The following SLC24A3 variants were observed in gnomAD, a reference collection of about 807,000 sequenced individuals.
SLC24A3 encodes the protein sodium/potassium/calcium exchanger 3.
Under a neutral mutation model 75.8 loss-of-function variants are expected in SLC24A3, and 28 were observed. The ratio of observed to expected loss-of-function variants is 0.37; its 90% CI spans 0.27 to 0.51. SLC24A3 has a LOEUF of 0.51. Ranked by LOEUF, SLC24A3 falls within the 20% of genes least tolerant of loss-of-function variation. The probability of loss-of-function intolerance (pLI) is 0.94; values close to 1 mark genes in which losing one functional copy is unlikely to be tolerated. For synonymous variants in SLC24A3, 372 were observed against 334.1 expected (o/e 1.11, Z -1.24); for missense variants, 663 against 847.8 (o/e 0.78, Z 2.71).
intron 6 of SLC24A3, among the ~76,000 whole-genome samples, chr20:19,605,107 A>C (rs2031579012): frequency 1.3e-5 from 2 of 152,320 alleles, no homozygotes; most frequent in South Asian, 4.2e-4. Context: ...AGGAAAAAAA[A>C]CACGTTGGCC....
At chr20:19,705,169 G>GA (rs2032915501) in intron 15 of SLC24A3, among the ~76,000 whole-genome samples, 1 of 152,204 alleles carries the variant, frequency 6.6e-6, no homozygotes, top group Non-Finnish European at 1.5e-5. Flanking sequence ...TGAAGAGCTA[G>GA]AAGGGGAGGA....
chr20:19,446,353 T>C (rs546176439), intron 2 of SLC24A3, among the ~76,000 whole-genome samples: 1 of 152,280 alleles, frequency 6.6e-6, no homozygotes, highest in South Asian at 2.1e-4. Flanking sequence ...TCTCATTAGG[T>C]GTGATATAAT....
chr20:19,679,136 G>A (rs2122736085), intron 9 of SLC24A3, among the ~76,000 whole-genome samples: 1 of 152,214 alleles, frequency 6.6e-6, no homozygotes, highest in African/African-American at 2.4e-5. Flanking sequence ...GGGCACTTTG[G>A]GAGGCCAAGG....
At chr20:19,663,580 A>G (rs2032364005) in intron 7 of SLC24A3, among the ~76,000 whole-genome samples, 1 of 149,966 alleles carries the variant, frequency 6.7e-6, no homozygotes, top group Admixed American at 6.7e-5. Flanking sequence ...AGTTATTTGC[A>G]TGTTTCCGGA....
intron 2 of SLC24A3, among the ~76,000 whole-genome samples, chr20:19,511,137 C>G (rs1318388817): frequency 6.6e-6 from 1 of 152,112 alleles, no homozygotes; most frequent in Non-Finnish European, 1.5e-5. Flanking sequence ...CTGTGCCAGC[C>G]CCTTCCCCTC....
chr20:19,277,223 C>G (rs546784877), intron 1 of SLC24A3, among the ~76,000 whole-genome samples: 2 of 152,318 alleles, frequency 1.3e-5, no homozygotes, highest in East Asian at 3.9e-4. Flanking sequence ...GATATTTAAC[C>G]TCTCTGCCTA....
chr20:19,354,351 C>T (rs1051069292), intron 2 of SLC24A3, among the ~76,000 whole-genome samples: 6 of 151,942 alleles, frequency 3.9e-5, no homozygotes, highest in African/African-American at 1.5e-4. Context: ...GAAATGCAAA[C>T]GAGGCAATAG....
At chr20:19,708,024 G>A (rs78748076) in intron 15 of SLC24A3, among the ~76,000 whole-genome samples, 9,709 of 152,152 alleles carry the variant, frequency 0.064, 356 homozygotes, top group Non-Finnish European at 0.075. Context: ...TTGGATGGGG[G>A]AAGAAACAAA....
At chr20:19,219,945 C>A (rs1441358318) in intron 1 of SLC24A3, among the ~76,000 whole-genome samples, 1 of 152,182 alleles carries the variant, frequency 6.6e-6, no homozygotes, top group African/African-American at 2.4e-5. Flanking sequence ...TAGGAATAGA[C>A]CCCAAATGAA....
chr20:19,298,551 G>A (rs1568582565), intron 2 of SLC24A3, among the ~76,000 whole-genome samples: 1 of 151,854 alleles, frequency 6.6e-6, no homozygotes, highest in Non-Finnish European at 1.5e-5. Flanking sequence ...TTGATCCCAG[G>A]AAACAACAGT....
rs368535699 is a variant in SLC24A3, at chr20:19,488,085, AAG to A, written c.272-27397_272-27396del. Among the ~76,000 whole-genome samples, 394 of 152,362 alleles carry A rather than the reference AAG, an allele frequency of 2.6e-3. 1 individual carries two copies. Among genetic ancestry groups the A allele is most frequent in the African/African-American group, 9.1e-3 (377 of 41,586 alleles). On this transcript the variant is annotated intron_variant, in intron 2 of 16. Transcript: ENST00000328041. The stretch of plus-strand genomic sequence containing the variant: ...CCCCAGAAGATTGATGGGGCTGGTC[AAG>A]AGAGACTTTCTCGTACCAAACAAGA...
At chr20:19,301,068 A>G (rs1984183574) in intron 2 of SLC24A3, among the ~76,000 whole-genome samples, 1 of 152,122 alleles carries the variant, frequency 6.6e-6, no homozygotes, top group East Asian at 1.9e-4. Flanking sequence ...GTGCATGGCA[A>G]TTGGAGCCAG....
At chr20:19,661,765 A>T (rs1600326796) in intron 7 of SLC24A3, among the ~76,000 whole-genome samples, 1 of 152,232 alleles carries the variant, frequency 6.6e-6, no homozygotes, top group East Asian at 1.9e-4. Context: ...TGAGACAGCC[A>T]CCTGCCTCCC....
At chr20:19,692,090 A>G (rs1000992427) in intron 12 of SLC24A3, among the ~76,000 whole-genome samples, 6 of 152,216 alleles carry the variant, frequency 3.9e-5, no homozygotes, top group African/African-American at 1.2e-4. Context: ...ATATGAAACA[A>G]ATACTGGATA....
intron 3 of SLC24A3, among the ~76,000 whole-genome samples, chr20:19,532,429 T>C (rs1465235908): frequency 6.6e-6 from 1 of 152,210 alleles, no homozygotes; most frequent in East Asian, 1.9e-4. Context: ...CTGTGGTTCA[T>C]GGAGTCACCA....
intron 6 of SLC24A3, among the ~76,000 whole-genome samples, chr20:19,627,291 T>C (rs2031877530): frequency 6.6e-6 from 1 of 152,250 alleles, no homozygotes; most frequent in Non-Finnish European, 1.5e-5. Flanking sequence ...ATCTTCTTCA[T>C]TTTAACATGT....
chr20:19,383,926 G>C (rs1986226557), intron 2 of SLC24A3, among the ~76,000 whole-genome samples: 1 of 152,312 alleles, frequency 6.6e-6, no homozygotes, highest in South Asian at 2.1e-4. Context: ...TTGGGGATTA[G>C]CGATTCAATT....
chr20:19,647,448 G>C (rs983890871), intron 6 of SLC24A3, among the ~76,000 whole-genome samples: 7 of 152,136 alleles, frequency 4.6e-5, no homozygotes, highest in Non-Finnish European at 1.0e-4. Context: ...TGCTGTGCCG[G>C]GTGCTGGCAC....
chr20:19,600,611 T>C (rs1178433952), intron 6 of SLC24A3, among the ~76,000 whole-genome samples: 1 of 152,224 alleles, frequency 6.6e-6, no homozygotes, highest in Non-Finnish European at 1.5e-5. Context: ...AGTCATATTG[T>C]ATTATTATGC....
Sources: allele counts gnomAD v4.1 joint callset (sites outside exome capture counted in the v4.1 genomes callset), GRCh38; gene constraint gnomAD v4.1.1; transcripts MANE v1.5; gene names NCBI Gene and HGNC (gene_info 2026-07-23, HGNC 2026-07-21).